The following DAPK1 variants were observed in gnomAD, a reference collection of about 807,000 sequenced individuals.
DAPK1 encodes death associated protein kinase 1.
Under a neutral mutation model 144.9 loss-of-function variants are expected in DAPK1, and 56 were observed. That is an observed-to-expected ratio of 0.39 (90% CI 0.31 to 0.48). The LOEUF (loss-of-function observed/expected upper bound fraction) is 0.48, where lower values mean the gene tolerates loss of function less well. Among genes scored for constraint, DAPK1 ranks in the 20% least tolerant of loss-of-function variants. The pLI, the probability that DAPK1 is intolerant of heterozygous loss-of-function variation, is 0.95. For missense variants in DAPK1, 1,454 were observed against 1,875.4 expected, an observed-to-expected ratio of 0.78 and a Z score of 4.15; for synonymous variants, 690 against 749.0, an observed-to-expected ratio of 0.92 and a Z score of 1.29.
intron 2 of DAPK1, among the ~76,000 whole-genome samples, chr9:87,564,028 C>G (rs1827027302): frequency 6.6e-6 from 1 of 152,198 alleles, no homozygotes; most frequent in Non-Finnish European, 1.5e-5. Context: ...CTCCCCTTTT[C>G]CTCCTTGGAG....
In DAPK1 at chr9:87,570,784, AC is replaced by A. The variant is rs764213005; in HGVS notation, c.63-34169del. On this transcript the variant is annotated intron_variant, in intron 2 of 25. Transcript: ENST00000408954. ...ATGCCTGATTCCCCAGATTTCAGGA[AC>A]AGCAGAGAGGGGAGAGAAACCATTT... Among the ~76,000 whole-genome samples the A allele has an allele frequency of 1.4e-4, 19 of 138,328 alleles. 1 individual carries two copies. In the South Asian group the frequency reaches 3.2e-3, roughly 23 times the overall value. 90.7% of individuals were successfully genotyped at this position (138,328 alleles called of 152,430 possible).
intron 2 of DAPK1, among the ~76,000 whole-genome samples, chr9:87,558,973 T>C (rs1258940829): frequency 2.6e-5 from 4 of 152,154 alleles, no homozygotes; most frequent in Non-Finnish European, 4.4e-5. Flanking sequence ...GTTCCCACTC[T>C]GGGGGAGGGG....
chr9:87,556,420 C>T (rs139798256), intron 2 of DAPK1, among the ~76,000 whole-genome samples: 3 of 152,228 alleles, frequency 2.0e-5, no homozygotes, highest in African/African-American at 4.8e-5. Flanking sequence ...CTGCCCGTCA[C>T]GGGCAAAGGG....
intron 3 of DAPK1, among the ~76,000 whole-genome samples, chr9:87,634,308 T>G (rs1454775795): frequency 6.6e-6 from 1 of 152,214 alleles, no homozygotes; most frequent in Non-Finnish European, 1.5e-5. Context: ...GTCTCTGACC[T>G]CTGTGGCCTC....
At chr9:87,627,095 G>A (rs1829517142) in intron 3 of DAPK1, among the ~76,000 whole-genome samples, 1 of 152,116 alleles carries the variant, frequency 6.6e-6, no homozygotes, top group African/African-American at 2.4e-5. Flanking sequence ...AACAGTGGCT[G>A]TAAAGGAACC....
intron 20 of DAPK1, among the ~76,000 whole-genome samples, chr9:87,683,085 A>T (rs976260399): frequency 7.1e-5 from 8 of 112,552 alleles, no homozygotes; most frequent in African/African-American, 1.4e-4. Context: ...TATTTTATTT[A>T]TTTTTTTTTT....
chr9:87,508,324 T>C (rs905873267), intron 2 of DAPK1, among the ~76,000 whole-genome samples: 1 of 151,028 alleles, frequency 6.6e-6, no homozygotes, highest in African/African-American at 2.4e-5. Context: ...CTTTTCCTTT[T>C]CACCTTAGAA....
intron 2 of DAPK1, among the ~76,000 whole-genome samples, chr9:87,577,806 A>T (rs1260792567): frequency 6.6e-6 from 1 of 152,158 alleles, no homozygotes; most frequent in Non-Finnish European, 1.5e-5. Context: ...CAGGAAAAAT[A>T]AAAAATAAAA....
chr9:87,561,507 C>T (rs1295746717), intron 2 of DAPK1, among the ~76,000 whole-genome samples: 1 of 148,574 alleles, frequency 6.7e-6, no homozygotes, highest in Non-Finnish European at 1.5e-5. Flanking sequence ...GCCTGGGCGA[C>T]AGAGCGAGAC....
chr9:87,544,865 A>G (rs975025009), intron 2 of DAPK1, among the ~76,000 whole-genome samples: 4 of 152,120 alleles, frequency 2.6e-5, no homozygotes, highest in Non-Finnish European at 4.4e-5. Context: ...AACAGTGAAG[A>G]TTTTAATTTG....
At chr9:87,677,895 G>A (rs1274990408) in intron 19 of DAPK1, among the ~76,000 whole-genome samples, 6 of 152,164 alleles carry the variant, frequency 3.9e-5, no homozygotes, top group Non-Finnish European at 5.9e-5. Context: ...CAGCATGGGC[G>A]CACCTGGTGC....
At position 87,647,413 on chromosome 9, in the gene DAPK1, CT is replaced by C; in HGVS notation, c.1329+12del. On this transcript the variant is annotated intron_variant, in intron 14 of 25. Coordinates refer to ENST00000408954, the MANE Select transcript of DAPK1 (RefSeq NM_004938.4). Reference sequence around the variant, plus strand: ...GGATGTGAAAGACAAGGTAAGGCCACTTCTCTTAGGAGGAACATGAGGTGGT... The same window carrying C: ...GGATGTGAAAGACAAGGTAAGGCCACTCTCTTAGGAGGAACATGAGGTGGT... 1 of 1,610,876 alleles carries C rather than the reference CT, an allele frequency of 6.2e-7. No individual in the cohort carries two copies.
At position 87,662,560 on chromosome 9, in the gene DAPK1, G is replaced by GTT. The variant is rs71507734; in HGVS notation, c.1923+4457_1923+4458dup. 8.7e-3 allele frequency among the ~76,000 whole-genome samples: 280 copies of GTT among 32,100 alleles called. 39 individuals are homozygous for GTT. The highest frequency in any genetic ancestry group is 0.022 in the African/African-American group (145 of 6,534). 21.1% of individuals were successfully genotyped at this position (32,100 alleles called of 152,430 possible). A position where few individuals can be genotyped will look rare whatever the true frequency, so the allele number is the denominator to read the frequency against. On this transcript the variant is annotated intron_variant, in intron 18 of 25. Transcript: ENST00000408954. ...ACCTCCTTGGTTAAATATATTCCTA[G>GTT]TTTTTTTTTTTTTTTTTTTTTTTTT...
At chr9:87,527,692 A>C (rs1420749040) in intron 2 of DAPK1, among the ~76,000 whole-genome samples, 2 of 152,220 alleles carry the variant, frequency 1.3e-5, no homozygotes. Flanking sequence ...ACACAAGCCT[A>C]ATGTTTTCTT....
At chr9:87,665,215 C>G (rs902151426) in intron 18 of DAPK1, among the ~76,000 whole-genome samples, 1 of 151,846 alleles carries the variant, frequency 6.6e-6, no homozygotes, top group African/African-American at 2.4e-5. Flanking sequence ...TGGCTCTCCC[C>G]ACTAGATTCT....
At chr9:87,602,646 C>A (rs974201260) in intron 2 of DAPK1, among the ~76,000 whole-genome samples, 2 of 150,260 alleles carry the variant, frequency 1.3e-5, no homozygotes, top group Non-Finnish European at 3.0e-5. Flanking sequence ...TTTTCTTTTT[C>A]CCCCTGAGAC....
chr9:87,508,556 A>G (rs1824704786), intron 2 of DAPK1, among the ~76,000 whole-genome samples: 1 of 151,532 alleles, frequency 6.6e-6, no homozygotes, highest in Non-Finnish European at 1.5e-5. Context: ...GTTAGCCAGG[A>G]TGGTCTCTAT....
intron 6 of DAPK1, 32 bp downstream of exon 6, chr9:87,639,730 TC>T: frequency 6.2e-7 from 1 of 1,613,816 alleles, no homozygotes; most frequent in South Asian, 1.1e-5. Flanking sequence ...TTGTTTGCTT[TC>T]TGATTTATTT....
At chr9:87,643,681 C>A (rs147971193) in intron 11 of DAPK1, among the ~76,000 whole-genome samples, 2 of 152,024 alleles carry the variant, frequency 1.3e-5, no homozygotes, top group South Asian at 4.2e-4. Context: ...TGCTGTCCCC[C>A]CTCATAGCCC....
Sources: gnomAD v4.1 joint callset for allele counts (sites outside exome capture counted in the v4.1 genomes callset) on GRCh38, gnomAD v4.1.1 for gene constraint, MANE v1.5 for transcripts, NCBI Gene and HGNC (gene_info 2026-07-23, HGNC 2026-07-21) for gene names.